Variants in RAPGEF6 observed in about 807,000 individuals in gnomAD.
RAPGEF6 encodes PDZ domain containing guanine nucleotide exchange factor (GEF) 2.
Under a neutral mutation model 171.4 loss-of-function variants are expected in RAPGEF6, and 56 were observed. That is an observed-to-expected ratio of 0.33 (90% CI 0.26 to 0.41). RAPGEF6 has a LOEUF of 0.41. RAPGEF6 is among the 10% of genes least tolerant of loss of function. The probability of loss-of-function intolerance (pLI) is 1.00; values close to 1 mark genes in which losing one functional copy is unlikely to be tolerated. For missense variants in RAPGEF6, 1,674 were observed against 1,921.4 expected, an observed-to-expected ratio of 0.87 and a Z score of 2.41; for synonymous variants, 692 against 650.1, an observed-to-expected ratio of 1.06 and a Z score of -0.98.
At chr5:131,428,839 T>C in intron 27 of RAPGEF6, 63 bp downstream of exon 27, 3 of 1,453,126 alleles carry the variant, frequency 2.1e-6, no homozygotes, top group Non-Finnish European at 2.8e-6. Context: ...AATACCAAAG[T>C]AAAGACCATT....
chr5:131,594,220 T>C (rs1389450713), intron 3 of RAPGEF6, among the ~76,000 whole-genome samples: 1 of 152,234 alleles, frequency 6.6e-6, no homozygotes, highest in African/African-American at 2.4e-5. Flanking sequence ...GTTCTCATGA[T>C]AGTGAGCTCT....
chr5:131,545,152 T>C (rs1760433891), intron 6 of RAPGEF6, among the ~76,000 whole-genome samples: 1 of 152,160 alleles, frequency 6.6e-6, no homozygotes, highest in African/African-American at 2.4e-5. Context: ...AAAAGTCACA[T>C]TAAGATTAGG....
intron 4 of RAPGEF6, among the ~76,000 whole-genome samples, chr5:131,582,431 C>T (rs1347960604): frequency 2.6e-5 from 4 of 152,002 alleles, no homozygotes; most frequent in African/African-American, 9.7e-5. Flanking sequence ...ATATCATATA[C>T]AAAAATTGGT....
At chr5:131,480,774 C>A (rs553461082) in intron 15 of RAPGEF6, among the ~76,000 whole-genome samples, 2 of 148,482 alleles carry the variant, frequency 1.3e-5, no homozygotes, top group Non-Finnish European at 3.0e-5. Context: ...CCACCATGCC[C>A]GGCCTAATTT....
chr5:131,442,810 T>C (rs1752469785), intron 22 of RAPGEF6, among the ~76,000 whole-genome samples: 1 of 152,282 alleles, frequency 6.6e-6, no homozygotes, highest in Non-Finnish European at 1.5e-5. Flanking sequence ...TTTTTTGAGA[T>C]GAAGTTTCGC....
At chr5:131,485,630 T>C (rs931015333) in intron 15 of RAPGEF6, among the ~76,000 whole-genome samples, 1 of 152,188 alleles carries the variant, frequency 6.6e-6, no homozygotes, top group Non-Finnish European at 1.5e-5. Flanking sequence ...AGTGAATTCA[T>C]TGCTGGTAGT....
intron 1 of RAPGEF6, among the ~76,000 whole-genome samples, chr5:131,605,946 C>A (rs555577789): frequency 7.2e-6 from 1 of 139,744 alleles, no homozygotes; most frequent in South Asian, 2.4e-4. Context: ...AGGAGAATGG[C>A]GTGAACCCGG....
chr5:131,606,252 G>T (rs560405829), intron 1 of RAPGEF6, among the ~76,000 whole-genome samples: 91 of 150,820 alleles, frequency 6.0e-4, no homozygotes, highest in Non-Finnish European at 1.2e-3. Context: ...TGTAGTCCCA[G>T]CTACTTAGGA....
chr5:131,622,677 T>C (rs1765662885), intron 1 of RAPGEF6, among the ~76,000 whole-genome samples: 1 of 152,170 alleles, frequency 6.6e-6, no homozygotes. Flanking sequence ...GGAAAAGATG[T>C]TCATCCAGAT....
rs1763649192 is a variant in RAPGEF6, at chr5:131,592,451, G to A, written c.213C>T (p.Ala71=). The A allele has an allele frequency of 1.9e-6, 3 of 1,613,566 alleles. No individual in the cohort carries two copies. The highest frequency in any genetic ancestry group is 2.5e-6 in the Non-Finnish European group (3 of 1,179,678). Residue 71 remains alanine, a synonymous_variant, in exon 4 of 28, where the codon GCC becomes GCT. Transcript: ENST00000509018. ...NQVLFCSETI[A]RCWYILLSGS... ...CAGAAAGTAGGATATACCAACATCT[G>A]GCAATCGTTTCTGAACTGTTTAAAT...
chr5:131,617,251 T>C (rs537695543), intron 1 of RAPGEF6, among the ~76,000 whole-genome samples: 2 of 151,834 alleles, frequency 1.3e-5, no homozygotes, highest in East Asian at 3.9e-4. Flanking sequence ...AGGAGGCCAA[T>C]CTGGGCAATG....
chr5:131,545,105 G>A (rs1252241041), intron 6 of RAPGEF6, among the ~76,000 whole-genome samples: 1 of 152,002 alleles, frequency 6.6e-6, no homozygotes. Context: ...CTTCAAAAAT[G>A]TTATTACCAT....
chr5:131,592,122 C>CT (rs2150003018), intron 4 of RAPGEF6, among the ~76,000 whole-genome samples: 1 of 152,282 alleles, frequency 6.6e-6, no homozygotes, highest in East Asian at 1.9e-4. Context: ...TCCCAAAGTG[C>CT]TGGGATTACA....
intron 6 of RAPGEF6, among the ~76,000 whole-genome samples, chr5:131,543,963 C>CA (rs1364308486): frequency 6.6e-6 from 1 of 152,056 alleles, no homozygotes; most frequent in African/African-American, 2.4e-5. Context: ...AGAGGCTCAA[C>CA]ACCGTAAGTC....
At chr5:131,632,375 C>T (rs1333719550) in intron 1 of RAPGEF6, among the ~76,000 whole-genome samples, 4 of 152,200 alleles carry the variant, frequency 2.6e-5, no homozygotes, top group Non-Finnish European at 5.9e-5. Flanking sequence ...AATGCCATCA[C>T]ATGCATCAAG....
At chr5:131,437,845 T>C (rs928614077) in intron 24 of RAPGEF6, among the ~76,000 whole-genome samples, 10 of 152,184 alleles carry the variant, frequency 6.6e-5, no homozygotes, top group African/African-American at 2.4e-4. Flanking sequence ...GACATTCCAA[T>C]TCACTAAACA....
At chr5:131,452,647 T>C (rs562575920) in intron 21 of RAPGEF6, among the ~76,000 whole-genome samples, 69 of 151,530 alleles carry the variant, frequency 4.6e-4, no homozygotes, top group African/African-American at 1.6e-3. Context: ...TTTTTTTTTT[T>C]AGTAGAGACA....
chr5:131,558,763 G>C (rs1425945472), intron 5 of RAPGEF6, among the ~76,000 whole-genome samples: 2 of 151,732 alleles, frequency 1.3e-5, no homozygotes, highest in East Asian at 3.9e-4. Flanking sequence ...TTCTAGCTGT[G>C]TTTTTATAAT....
chr5:131,487,048 G>GGT (rs1259137883), intron 15 of RAPGEF6, among the ~76,000 whole-genome samples: 2 of 152,062 alleles, frequency 1.3e-5, no homozygotes, highest in Non-Finnish European at 2.9e-5. Context: ...GGTTCCTTCC[G>GGT]GTGGGTTCCT....
Sources: gnomAD v4.1 joint callset for allele counts (sites outside exome capture counted in the v4.1 genomes callset) on GRCh38, gnomAD v4.1.1 for gene constraint, MANE v1.5 for transcripts, NCBI Gene and HGNC (gene_info 2026-07-23, HGNC 2026-07-21) for gene names.